Variants in CALY observed in about 807,000 individuals in gnomAD.
The protein encoded by CALY is calcyon neuron specific vesicular protein, also known as neuron-specific vesicular protein calcyon.
A neutral mutation model predicts 20.2 loss-of-function variants in CALY; 15 were observed. The ratio of observed to expected loss-of-function variants is 0.74; its 90% CI spans 0.50 to 1.14. The LOEUF (loss-of-function observed/expected upper bound fraction) is 1.14, where lower values mean the gene tolerates loss of function less well. CALY is among the 50% of genes most tolerant of loss of function. The pLI is 0.00. For missense variants in CALY, 270 were observed against 304.4 expected (o/e 0.89, Z 0.84); for synonymous variants, 129 against 131.8 (o/e 0.98, Z 0.15).
chr10:133,331,354 A>G (rs1366549540), intron 1 of CALY, among the ~76,000 whole-genome samples: 1 of 152,262 alleles, frequency 6.6e-6, no homozygotes, highest in Non-Finnish European at 1.5e-5. Flanking sequence ...CCCATGAAAC[A>G]GTGTCTGTGT....
intron 2 of CALY, 126 bp downstream of exon 2, chr10:133,328,729 C>A (rs970428733): frequency 5.5e-6 from 6 of 1,093,278 alleles, no homozygotes; most frequent in African/African-American, 1.6e-5. Context: ...GCTTTGGCCC[C>A]CATGGCCCTT....
intron 4 of CALY, among the ~76,000 whole-genome samples, chr10:133,326,664 A>AT (rs1304816549): frequency 4.6e-5 from 7 of 152,122 alleles, no homozygotes; most frequent in African/African-American, 1.7e-4. Flanking sequence ...CTTTTTACTT[A>AT]TTTTTTAAAT....
rs1456508907 is a variant in CALY at position 133,324,596 on chromosome 10, G to A, written c.*999C>T. The A allele has an allele frequency of 3.4e-6, 1 of 291,328 alleles. No individual in the cohort carries two copies. The highest frequency in any genetic ancestry group is 6.7e-6 in the Non-Finnish European group (1 of 150,032). The allele number at this position is 291,328 out of a possible 1,614,324, so 18.0% of individuals were successfully genotyped here. On this transcript the variant is annotated 3_prime_UTR_variant, in exon 6 of 6. Transcript: ENST00000252939. ...GGGCGGGGCTGCAGAGCTGCTGCTGGCTGGGGTGGGCGGGGCTGCAGAGCT... is the reference window on the plus strand; with the variant it reads ...GGGCGGGGCTGCAGAGCTGCTGCTGACTGGGGTGGGCGGGGCTGCAGAGCT...
At chr10:133,331,501 A>G (rs1414155845) in intron 1 of CALY, among the ~76,000 whole-genome samples, 1 of 152,256 alleles carries the variant, frequency 6.6e-6, no homozygotes, top group Non-Finnish European at 1.5e-5. Flanking sequence ...TAAATAATTT[A>G]TTGAAGTACT....
At chr10:133,326,196 G>A in intron 4 of CALY, 76 bp from the exon 5 acceptor site, 1 of 1,557,632 alleles carries the variant, frequency 6.4e-7, no homozygotes, top group Non-Finnish European at 8.7e-7. Flanking sequence ...TCCCGCTTCT[G>A]CGGTTGGGGA....
rs764580709 is a variant in CALY, at chr10:133,328,836, C to T, written c.135+19G>A. The T allele has an allele frequency of 4.4e-5, 68 of 1,537,940 alleles. No individual in the cohort carries two copies. Among genetic ancestry groups the T allele is most frequent in the Non-Finnish European group, 5.6e-5 (64 of 1,142,448 alleles). ...CAGGGGAGCCTGAGAAGGGCCCCCA[C>T]GCTGGCCCAGGCCCTCACCTGGTCA... On this transcript the variant is annotated intron_variant, in intron 2 of 5. Transcript: ENST00000252939.
intron 1 of CALY, among the ~76,000 whole-genome samples, chr10:133,336,048 G>T (rs1301163592): frequency 1.3e-5 from 2 of 152,114 alleles, no homozygotes; most frequent in East Asian, 3.9e-4. Context: ...GGTGCGCGCA[G>T]GTGGGCTTGT....
At position 133,325,488 on chromosome 10, in the gene CALY, T is replaced by C; in HGVS notation, c.*107A>G. 4.9e-6 allele frequency: 1 copy of C among 202,636 alleles called. No homozygotes were observed. The highest frequency in any genetic ancestry group is 9.9e-6 in the Non-Finnish European group (1 of 101,466). The allele number at this position is 202,636 out of a possible 1,614,324, so 12.6% of individuals were successfully genotyped here. ...AGTCAGAGACCCACGGGGGCGGGGC[T>C]GCAGCGAGGGCGCCTGGGGACACGA... On this transcript the variant is annotated 3_prime_UTR_variant, in exon 6 of 6. Transcript: ENST00000252939.
intron 2 of CALY, among the ~76,000 whole-genome samples, chr10:133,328,444 G>A (rs1014807044): frequency 6.6e-6 from 1 of 152,192 alleles, no homozygotes; most frequent in Non-Finnish European, 1.5e-5. Context: ...GGCTCAAGCT[G>A]AGCTCTTTGC....
At chr10:133,329,228 C>T (rs1344922542) in intron 1 of CALY, among the ~76,000 whole-genome samples, 1 of 152,200 alleles carries the variant, frequency 6.6e-6, no homozygotes, top group East Asian at 1.9e-4. Context: ...CCCTCTGGAC[C>T]CCACAGCACT....
In CALY at chr10:133,329,003, C is replaced by T. The variant is rs1202518260; in HGVS notation, c.-14G>A. On this transcript the variant is annotated 5_prime_UTR_variant, in exon 2 of 6. Coordinates refer to ENST00000252939, the MANE Select transcript of CALY (RefSeq NM_015722.4). Reference sequence around the variant, plus strand: ...CAGCTTCACCATGGTGGATGGCAGTCCTTGTCCTGTCCAAAGACAGACAGA... The same window carrying T: ...CAGCTTCACCATGGTGGATGGCAGTTCTTGTCCTGTCCAAAGACAGACAGA... The T allele has an allele frequency of 6.4e-7, 1 of 1,552,772 alleles. No homozygotes were observed. Among genetic ancestry groups the T allele is most frequent in the Non-Finnish European group, 8.7e-7 (1 of 1,148,566 alleles).
chr10:133,328,000 G>A lies in CALY; in HGVS notation c.151C>T (p.Gln51Ter). The A allele has an allele frequency of 6.2e-7, 1 of 1,609,174 alleles. No homozygotes were observed. The highest frequency in any genetic ancestry group is 8.5e-7 in the Non-Finnish European group (1 of 1,177,050). ...PLPDQVVIKT[Q>*]TEYQLSSPDQ... ...GGGGAGGACAGCTGGTATTCTGTCT[G>A]TGTCTTGATGACCACCTGTGAAAAG... is the stretch of plus-strand genomic sequence containing the variant. Residue 51 changes from glutamine to a stop codon, truncating the protein, a stop_gained, in exon 3 of 6, where the codon CAG (glutamine) becomes TAG (stop). Coordinates refer to ENST00000252939, the MANE Select transcript of CALY (RefSeq NM_015722.4). LOFTEE classifies it high-confidence loss of function.
intron 2 of CALY, among the ~76,000 whole-genome samples, chr10:133,328,256 A>C (rs1848246782): frequency 6.6e-6 from 1 of 152,178 alleles, no homozygotes; most frequent in African/African-American, 2.4e-5. Context: ...TGGGCTGCTG[A>C]CAGAGCCCCT....
rs1186310375 is a variant in CALY at position 133,326,926 on chromosome 10, C to T, written c.312G>A (p.Lys104=). The part of the protein sequence containing the change: ...ALLGCVLIMY[K]AIWYDQFTCP... Reference sequence around the variant, plus strand: ...AGGTGAACTGGTCGTACCAGATGGCCTTGTACATGATCAGCACGCAGCCCA... The same window carrying T: ...AGGTGAACTGGTCGTACCAGATGGCTTTGTACATGATCAGCACGCAGCCCA... Residue 104 remains lysine, a synonymous_variant, in exon 4 of 6, where the codon AAG becomes AAA. Coordinates refer to ENST00000252939, the MANE Select transcript of CALY (RefSeq NM_015722.4). 2.5e-6 allele frequency: 4 copies of T among 1,611,208 alleles called. No homozygotes were observed. The highest frequency in any genetic ancestry group is 3.4e-6 in the Non-Finnish European group (4 of 1,179,528).
At chr10:133,327,545 T>C in intron 3 of CALY, 1 of 576,174 alleles carries the variant, frequency 1.7e-6, no homozygotes, top group Non-Finnish European at 3.1e-6. Context: ...TGAGAGAAGA[T>C]ATTTGCCAGA....
chr10:133,335,332 C>G (rs896499737), intron 1 of CALY, among the ~76,000 whole-genome samples: 1 of 152,140 alleles, frequency 6.6e-6, no homozygotes, highest in Non-Finnish European at 1.5e-5. Context: ...TAGGGCCACG[C>G]CCCGGAGGGC....
intron 1 of CALY, among the ~76,000 whole-genome samples, chr10:133,333,242 G>A (rs1056911104): frequency 1.4e-5 from 2 of 145,786 alleles, no homozygotes; most frequent in African/African-American, 5.1e-5. Flanking sequence ...AGGAGCTGAG[G>A]GTGGAATGAT....
chr10:133,335,314 C>A (rs1848420129), intron 1 of CALY, among the ~76,000 whole-genome samples: 2 of 152,254 alleles, frequency 1.3e-5, no homozygotes, highest in Admixed American at 6.5e-5. Flanking sequence ...GCCCGCAGCG[C>A]CATAGGGTAG....
chr10:133,325,163 G>C lies in CALY; in HGVS notation c.*432C>G. 6.5e-6 allele frequency: 1 copy of C among 153,462 alleles called. No homozygotes were observed. Among genetic ancestry groups the C allele is most frequent in the African/African-American group, 2.4e-5 (1 of 41,448 alleles). The allele number at this position is 153,462 out of a possible 1,614,324, so 9.5% of individuals were successfully genotyped here. A position where few individuals can be genotyped will look rare whatever the true frequency, so the allele number is the denominator to read the frequency against. On this transcript the variant is annotated 3_prime_UTR_variant, in exon 6 of 6. Transcript: ENST00000252939. ...GGCAGCGGATAGGGATGGACCCGAG[G>C]CTCCCCTGGGTGGGCCGGAGCCCCG...
Sources: allele counts gnomAD v4.1 joint callset (sites outside exome capture counted in the v4.1 genomes callset), GRCh38; gene constraint gnomAD v4.1.1; transcripts MANE v1.5; gene names NCBI Gene and HGNC (gene_info 2026-07-23, HGNC 2026-07-21).